Variants in BRAF observed in about 807,000 individuals in gnomAD.
The protein encoded by BRAF is B-Raf proto-oncogene, serine/threonine kinase.
BRAF carries 16 observed loss-of-function variants against 104.6 expected under a neutral mutation model. The ratio of observed to expected loss-of-function variants is 0.15; its 90% CI spans 0.10 to 0.23. The LOEUF (loss-of-function observed/expected upper bound fraction) is 0.23. BRAF is among the 10% of genes least tolerant of loss of function. The pLI, the probability that BRAF is intolerant of heterozygous loss-of-function variation, is 1.00. For missense variants in BRAF, 541 were observed against 937.3 expected, an observed-to-expected ratio of 0.58 and a Z score of 5.52; for synonymous variants, 310 against 341.6, an observed-to-expected ratio of 0.91 and a Z score of 1.02.
At chr7:140,732,627 TAGCCACACCCATCGCAA>T (rs1796071485) in intron 19 of BRAF, 1 of 152,200 alleles carries the variant, frequency 6.6e-6, no homozygotes, top group Admixed American at 6.5e-5. Flanking sequence ...CTACAGAGCT[TAGCCACACCCATCGCAA>T]AGGAGACTAG....
At chr7:140,807,080 C>G (rs558589913) in intron 5 of BRAF, among the ~76,000 whole-genome samples, 1 of 152,264 alleles carries the variant, frequency 6.6e-6, no homozygotes, top group East Asian at 1.9e-4. Flanking sequence ...GATAAGTTCT[C>G]AAGTTCTATG....
intron 7 of BRAF, 140 bp downstream of exon 7, chr7:140,800,222 C>T: frequency 7.7e-7 from 1 of 1,303,998 alleles, no homozygotes; most frequent in Non-Finnish European, 1.1e-6. Flanking sequence ...ATGTAAATAT[C>T]TGAGTGGTAT....
intron 9 of BRAF, 86 bp downstream of exon 9, chr7:140,787,462 T>C (rs1041979764): frequency 1.6e-5 from 22 of 1,413,802 alleles, no homozygotes; most frequent in Middle Eastern, 3.6e-4. Context: ...TGTCTGTTAC[T>C]TGAAAGAGGC....
chr7:140,869,510 G>A (rs1385306274), intron 1 of BRAF, among the ~76,000 whole-genome samples: 2 of 152,060 alleles, frequency 1.3e-5, no homozygotes, highest in East Asian at 1.9e-4. Flanking sequence ...GCGGACACCC[G>A]TAATTCCAGC....
chr7:140,873,007 T>C (rs1811784662), intron 1 of BRAF, among the ~76,000 whole-genome samples: 1 of 152,104 alleles, frequency 6.6e-6, no homozygotes, highest in Non-Finnish European at 1.5e-5. Context: ...TAAAAAATCA[T>C]ATCAATACTA....
At chr7:140,730,031 T>C (rs1414359147) in intron 19 of BRAF, among the ~76,000 whole-genome samples, 3 of 152,132 alleles carry the variant, frequency 2.0e-5, no homozygotes, top group African/African-American at 7.2e-5. Flanking sequence ...GAATCCATAG[T>C]TCAGGAATCA....
chr7:140,736,690 G>T (rs551118088), intron 18 of BRAF, among the ~76,000 whole-genome samples: 1 of 151,590 alleles, frequency 6.6e-6, no homozygotes, highest in South Asian at 2.1e-4. Flanking sequence ...GCCTCCCAAA[G>T]TGCTGGGATT....
At chr7:140,746,883 G>C (rs1797396235) in intron 17 of BRAF, among the ~76,000 whole-genome samples, 1 of 151,102 alleles carries the variant, frequency 6.6e-6, no homozygotes, top group South Asian at 2.1e-4. Flanking sequence ...GAGGTAGGTA[G>C]ACCTAGTCTA....
rs61150735 is a variant in BRAF at position 140,906,087 on chromosome 7, CAAAAAAAA to C, written c.138+18471_138+18478del. Among the ~76,000 whole-genome samples the C allele has an allele frequency of 4.5e-5, 2 of 44,712 alleles. 1 individual carries two copies. The highest frequency in any genetic ancestry group is 2.1e-3 in the South Asian group (2 of 970). 29.3% of individuals were successfully genotyped at this position (44,712 alleles called of 152,430 possible). A position where few individuals can be genotyped will look rare whatever the true frequency, so the allele number is the denominator to read the frequency against. On this transcript the variant is annotated intron_variant, in intron 1 of 19. Coordinates refer to ENST00000644969, the MANE Select transcript of BRAF (RefSeq NM_001374258.1). The stretch of plus-strand genomic sequence containing the variant: ...TGGGCAACAGAGCGAGACTCCGTCT[CAAAAAAAA>C]AAAAAAAAAAAAAGAAATTAAAACA...
At chr7:140,808,149 C>T (rs1013641863) in intron 4 of BRAF, 87 bp from the exon 5 acceptor site, 21 of 1,048,542 alleles carry the variant, frequency 2.0e-5, no homozygotes, top group Admixed American at 3.6e-5. Flanking sequence ...AATTGGTTAT[C>T]GAGGGGCTAG....
At chr7:140,778,147 T>C in intron 12 of BRAF, 72 bp from the exon 12 acceptor site, 1 of 1,356,018 alleles carries the variant, frequency 7.4e-7, no homozygotes. Flanking sequence ...TTCTTGGGTG[T>C]TTTCACTAAT....
intron 7 of BRAF, among the ~76,000 whole-genome samples, chr7:140,798,272 C>CTTTCTTTTTTT (rs1554402875): frequency 3.5e-5 from 4 of 115,614 alleles, no homozygotes; most frequent in African/African-American, 1.4e-4. Context: ...CTTTTTTTTT[C>CTTTCTTTTTTT]TTTTTTTTGA....
chr7:140,721,374 C>A lies in BRAF; in HGVS notation c.*5120G>T. On this transcript the variant is annotated 3_prime_UTR_variant, in exon 20 of 20. Transcript: ENST00000644969. ...TCTGTCCTTTTCCACATTAAAAATA[C>A]CTGATAGGAACTGTTAATTACCCTT... The A allele has an allele frequency of 8.2e-7, 1 of 1,218,002 alleles. No homozygotes were observed. The highest frequency in any genetic ancestry group is 1.0e-6 in the Non-Finnish European group (1 of 979,624). 75.4% of individuals were successfully genotyped at this position (1,218,002 alleles called of 1,614,324 possible).
At chr7:140,815,459 A>C (rs1206370895) in intron 3 of BRAF, among the ~76,000 whole-genome samples, 1 of 112,240 alleles carries the variant, frequency 8.9e-6, no homozygotes, top group Admixed American at 1.1e-4. Flanking sequence ...TTTTTGAGAC[A>C]GGGTCTTGCT....
Position 140,787,736 on chromosome 7 carries a change from C to T in BRAF, c.1141-152G>A, listed in dbSNP as rs1438109090. On this transcript the variant is annotated intron_variant, in intron 8 of 19. Coordinates refer to ENST00000644969, the MANE Select transcript of BRAF (RefSeq NM_001374258.1). ...ATTACACAAAACAATTTGGAATTAT[C>T]TAGTGAACATAATACAATCTAAATT... 4 of 691,726 alleles carry T rather than the reference C, an allele frequency of 5.8e-6. No individual in the cohort carries two copies. In the South Asian group the frequency reaches 8.1e-5, roughly 14 times the overall value. 42.8% of individuals were successfully genotyped at this position (691,726 alleles called of 1,614,324 possible).
Position 140,881,810 on chromosome 7 carries a change from G to A in BRAF, c.139-31598C>T, listed in dbSNP as rs115046281. Among the ~76,000 whole-genome samples, 986 of 152,306 alleles carry A rather than the reference G, an allele frequency of 6.5e-3. 13 individuals are homozygous for A. The highest frequency in any genetic ancestry group is 0.022 in the African/African-American group (934 of 41,552). ...TGTCTCAGGGCATGCGGAGGCTGGAGAAGAGTTGGGGGAACAGCCAGTCAG... is the reference window on the plus strand; with the variant it reads ...TGTCTCAGGGCATGCGGAGGCTGGAAAAGAGTTGGGGGAACAGCCAGTCAG... On this transcript the variant is annotated intron_variant, in intron 1 of 19. Coordinates refer to ENST00000644969, the MANE Select transcript of BRAF (RefSeq NM_001374258.1).
intron 2 of BRAF, 59 bp from the exon 3 acceptor site, chr7:140,834,931 G>T: frequency 1.3e-6 from 2 of 1,593,916 alleles, no homozygotes; most frequent in South Asian, 2.2e-5. Context: ...TAACAAAAGA[G>T]AATATAAAAT....
chr7:140,775,332 T>G (rs755736104), intron 14 of BRAF, among the ~76,000 whole-genome samples: 10 of 152,078 alleles, frequency 6.6e-5, no homozygotes, highest in Admixed American at 1.3e-4. Flanking sequence ...TGGTTTACTC[T>G]TCACAAGATT....
At chr7:140,827,483 A>C (rs1013852085) in intron 3 of BRAF, among the ~76,000 whole-genome samples, 4 of 152,210 alleles carry the variant, frequency 2.6e-5, no homozygotes, top group African/African-American at 9.6e-5. Flanking sequence ...AAAAAATCAC[A>C]GGGGAAACTT....
Sources: allele counts gnomAD v4.1 joint callset (sites outside exome capture counted in the v4.1 genomes callset), GRCh38; gene constraint gnomAD v4.1.1; transcripts MANE v1.5; gene names NCBI Gene and HGNC (gene_info 2026-07-23, HGNC 2026-07-21).